Variants in STK31 observed in about 807,000 individuals in gnomAD.
STK31 encodes serine/threonine kinase 31.
STK31 carries 89 observed loss-of-function variants against 129.7 expected under a neutral mutation model. That is an observed-to-expected ratio of 0.69 (90% CI 0.58 to 0.82). STK31 has a LOEUF of 0.82. Among genes scored for constraint, STK31 ranks in the 40% least tolerant of loss-of-function variants. The pLI, the probability that STK31 is intolerant of heterozygous loss-of-function variation, is 0.00. For synonymous variants in STK31, 448 were observed against 395.3 expected (o/e 1.13, Z -1.58); for missense variants, 1,187 against 1,176.4 (o/e 1.01, Z -0.13).
intron 6 of STK31, among the ~76,000 whole-genome samples, chr7:23,730,878 A>ATATATATATATATTTTTTT: frequency 8.4e-4 from 50 of 59,516 alleles, no homozygotes; most frequent in South Asian, 1.6e-3. Flanking sequence ...ATATATATAT[A>ATATATATATATATTTTTTT]TTTTTTTTTT....
At chr7:23,773,512 T>A (rs1790332950) in intron 15 of STK31, among the ~76,000 whole-genome samples, 1 of 152,218 alleles carries the variant, frequency 6.6e-6, no homozygotes, top group African/African-American at 2.4e-5. Flanking sequence ...TACATGTGCA[T>A]GTGTCTTTAT....
intron 1 of STK31, chr7:23,710,763 T>G (rs1785905921): frequency 9.6e-7 from 1 of 1,037,160 alleles, no homozygotes; most frequent in African/African-American, 1.7e-5. Flanking sequence ...AGTGCCTTCA[T>G]AATCAGGGCA....
In STK31 at chr7:23,815,205, T is replaced by C; in HGVS notation, c.2822T>C (p.Phe941Ser). ...GATGGAATCCCCAAAGTGGATCAGT[T>C]TCATCTGGTATGTGACCTTTTTGAC... Reference protein sequence around the residue: ...NKDGIPKVDQFHLDDKVKSLL... With the variant: ...NKDGIPKVDQSHLDDKVKSLL... The change falls in exon 23 of 24, where the codon TTT becomes TCT. Residue 941 changes from phenylalanine (F) to serine (S), a missense_variant. This residue lies in a region of STK31 where 975 missense variants were observed against 934.9 expected (regional missense o/e 1.04). Transcript: ENST00000355870. 1 of 1,577,092 alleles carries C rather than the reference T, an allele frequency of 6.3e-7. No homozygotes were observed. Among genetic ancestry groups the C allele is most frequent in the Non-Finnish European group, 8.6e-7 (1 of 1,163,012 alleles).
At chr7:23,832,070 C>A (rs1451279078) in intron 23 of STK31, 66 bp from the exon 24 acceptor site, 3 of 1,196,872 alleles carry the variant, frequency 2.5e-6, no homozygotes, top group Admixed American at 1.9e-5. Flanking sequence ...AATAAGTCCA[C>A]TTCCTTCTTC....
At chr7:23,806,928 A>T (rs1792751265) in intron 22 of STK31, among the ~76,000 whole-genome samples, 1 of 149,510 alleles carries the variant, frequency 6.7e-6, no homozygotes, top group South Asian at 2.1e-4. Context: ...AAAAAGAGAG[A>T]TACAGGATGG....
Position 23,710,314 on chromosome 7 carries a change from C to CT in STK31, c.31dup (p.Ser11PhefsTer16). ...TGGGTCCAGGGTCACTCTTCTAGAG[C>CT]TTCCGCAACGGAAAGTGTGAGGTCA... On this transcript the variant is annotated frameshift_variant, in exon 1 of 24. Coordinates refer to ENST00000355870, the MANE Select transcript of STK31 (RefSeq NM_031414.5). LOFTEE classifies it high-confidence loss of function. 1 of 1,613,214 alleles carries CT rather than the reference C, an allele frequency of 6.2e-7. No homozygotes were observed. Among genetic ancestry groups the CT allele is most frequent in the Middle Eastern group, 1.7e-4 (1 of 5,840 alleles).
At chr7:23,727,395 T>C in intron 5 of STK31, 80 bp downstream of exon 5, 1 of 1,234,510 alleles carries the variant, frequency 8.1e-7, no homozygotes, top group Middle Eastern at 2.0e-4. Flanking sequence ...TATTTAGCCC[T>C]TCATTGCTTA....
At chr7:23,749,369 G>T (rs1309353666) in intron 8 of STK31, among the ~76,000 whole-genome samples, 17 of 143,080 alleles carry the variant, frequency 1.2e-4, no homozygotes, top group African/African-American at 4.4e-4. Flanking sequence ...TTGAGACAGG[G>T]TCTTGCCCTG....
intron 23 of STK31, among the ~76,000 whole-genome samples, chr7:23,831,861 G>A (rs1284854621): frequency 1.3e-5 from 2 of 152,086 alleles, no homozygotes; most frequent in Non-Finnish European, 2.9e-5. Context: ...CCTGACCGCA[G>A]GTGACCTCAG....
intron 10 of STK31, among the ~76,000 whole-genome samples, chr7:23,761,135 A>G (rs1458655325): frequency 1.3e-5 from 2 of 152,210 alleles, no homozygotes; most frequent in Admixed American, 1.3e-4. Flanking sequence ...TGGTTTGAGC[A>G]TAGTGAAAGT....
intron 13 of STK31, among the ~76,000 whole-genome samples, chr7:23,770,040 T>C (rs552332713): frequency 2.0e-5 from 3 of 152,274 alleles, no homozygotes; most frequent in East Asian, 3.9e-4. Flanking sequence ...GAGTGGACAA[T>C]CTTGTCTATA....
At chr7:23,734,248 G>A (rs1462748265) in intron 6 of STK31, among the ~76,000 whole-genome samples, 1 of 152,188 alleles carries the variant, frequency 6.6e-6, no homozygotes, top group Non-Finnish European at 1.5e-5. Flanking sequence ...CACCTTCTAA[G>A]AGAGATACGT....
At chr7:23,784,193 T>C (rs757874598) in intron 17 of STK31, among the ~76,000 whole-genome samples, 3 of 152,132 alleles carry the variant, frequency 2.0e-5, no homozygotes, top group Admixed American at 6.5e-5. Flanking sequence ...GGTTTACTAA[T>C]CTGTTAGTCC....
intron 4 of STK31, among the ~76,000 whole-genome samples, chr7:23,718,345 G>A (rs1043569774): frequency 2.6e-5 from 4 of 152,072 alleles, no homozygotes; most frequent in African/African-American, 9.7e-5. Flanking sequence ...TTTTTACTGA[G>A]TTATAACTTG....
At chr7:23,800,233 G>T (rs965754750) in intron 22 of STK31, among the ~76,000 whole-genome samples, 1 of 152,120 alleles carries the variant, frequency 6.6e-6, no homozygotes, top group Non-Finnish European at 1.5e-5. Flanking sequence ...GCATTACTGG[G>T]TATATACCCA....
At chr7:23,745,690 A>G (rs1231071018) in intron 8 of STK31, among the ~76,000 whole-genome samples, 1 of 152,126 alleles carries the variant, frequency 6.6e-6, no homozygotes, top group Non-Finnish European at 1.5e-5. Context: ...GGTCATGTGA[A>G]GATGCATGGC....
chr7:23,785,937 T>C (rs1791253420), intron 18 of STK31, among the ~76,000 whole-genome samples: 1 of 152,126 alleles, frequency 6.6e-6, no homozygotes, highest in Non-Finnish European at 1.5e-5. Context: ...GGCACATGTA[T>C]ACATATGTAA....
At chr7:23,711,948 A>G in intron 1 of STK31, 151 bp from the exon 2 acceptor site, 1 of 629,148 alleles carries the variant, frequency 1.6e-6, no homozygotes, top group Admixed American at 3.4e-5. Flanking sequence ...TAGTTAGTGA[A>G]GGAAATATTG....
At chr7:23,787,317 G>T (rs1791344735) in intron 20 of STK31, among the ~76,000 whole-genome samples, 1 of 152,080 alleles carries the variant, frequency 6.6e-6, no homozygotes, top group Non-Finnish European at 1.5e-5. Context: ...AGTAAAGGAG[G>T]CCCTGATTCT....
Sources: gnomAD v4.1 joint callset for allele counts (sites outside exome capture counted in the v4.1 genomes callset) on GRCh38, gnomAD v4.1.1 for gene constraint, gnomAD v4.1.1 regional missense constraint, MANE v1.5 for transcripts, NCBI Gene and HGNC (gene_info 2026-07-23, HGNC 2026-07-21) for gene names.